STK26: variants seen among roughly 807,000 people sequenced by gnomAD.
The protein encoded by STK26 is serine/threonine kinase 26, also known as serine/threonine-protein kinase 26.
A neutral mutation model predicts 34.7 loss-of-function variants in STK26; 14 were observed. The observed-to-expected ratio is 0.40, with a 90% confidence interval of 0.27 to 0.63. The LOEUF (loss-of-function observed/expected upper bound fraction) is 0.63, where lower values mean the gene tolerates loss of function less well. STK26 is among the 30% of genes least tolerant of loss of function. The probability of loss-of-function intolerance (pLI) is 0.38; values close to 1 mark genes in which losing one functional copy is unlikely to be tolerated. For missense variants in STK26, 226 were observed against 309.1 expected (o/e 0.73, Z 2.02); for synonymous variants, 100 against 109.8 (o/e 0.91, Z 0.56).
intron 3 of STK26, among the ~76,000 whole-genome samples, chrX:132,056,741 C>G (rs947584901): frequency 8.9e-5 from 10 of 112,435 alleles, no homozygotes; most frequent in African/African-American, 3.2e-4. Context: ...TACAAATACC[C>G]CCTACTGCTG....
At chrX:132,054,922 T>C in intron 3 of STK26, 61 bp downstream of exon 3, 3 of 998,598 alleles carry the variant, frequency 3.0e-6, no homozygotes, top group Non-Finnish European at 4.1e-6. Flanking sequence ...TTTTTAATTC[T>C]ATTTTTTTGA....
intron 2 of STK26, among the ~76,000 whole-genome samples, chrX:132,033,516 A>C (rs1486579524): frequency 8.9e-6 from 1 of 112,184 alleles, no homozygotes; most frequent in Non-Finnish European, 1.9e-5. Context: ...TGGCAAACTC[A>C]TTAATTAGGA....
At chrX:132,072,452 A>C in intron 9 of STK26, 91 bp downstream of exon 9, 2 of 729,256 alleles carry the variant, frequency 2.7e-6, no homozygotes, top group Non-Finnish European at 4.2e-6. Context: ...AGGATTGAAT[A>C]CCCCTAAATG....
chrX:132,068,208 C>T lies in STK26; in HGVS notation c.331-7C>T. The T allele has an allele frequency of 8.4e-7, 1 of 1,184,010 alleles. No homozygotes were observed. Among genetic ancestry groups the T allele is most frequent in the South Asian group, 1.9e-5 (1 of 53,686 alleles). On this transcript the variant is annotated splice_polypyrimidine_tract_variant and splice_region_variant and intron_variant, in intron 4 of 11. Transcript: ENST00000394334. ...TGTGTATGTGTGTGTGTGTTTTTCC[C>T]CTTAAGCTTCGAGCTGGTCCATTTG...
chrX:132,066,512 A>G (rs947061053), intron 4 of STK26, among the ~76,000 whole-genome samples: 3 of 111,844 alleles, frequency 2.7e-5, no homozygotes, highest in Non-Finnish European at 5.6e-5. Context: ...CAGAGATATT[A>G]TCTGTTAGAG....
chrX:132,070,206 A>G (rs995115151), intron 7 of STK26, among the ~76,000 whole-genome samples: 3 of 109,275 alleles, frequency 2.7e-5, no homozygotes, highest in Non-Finnish European at 5.7e-5. Flanking sequence ...TAATTTTTGT[A>G]TTTTTAGTAG....
In STK26 at chrX:132,023,676, C is replaced by T. The variant is rs368621858; in HGVS notation, c.42+17C>T. The T allele has an allele frequency of 2.5e-5, 29 of 1,172,318 alleles. No homozygotes were observed. The highest frequency in any genetic ancestry group is 2.9e-5 in the Non-Finnish European group (25 of 876,468). ...GGGATGCAGGTGAGGAAGCGCAGGC[C>T]GCCCCCGCCGCCCACGTGACTGCTT... On this transcript the variant is annotated intron_variant, in intron 2 of 11. Coordinates refer to ENST00000394334, the MANE Select transcript of STK26 (RefSeq NM_016542.4).
At chrX:132,060,594 G>T (rs113091833) in intron 3 of STK26, among the ~76,000 whole-genome samples, 7 of 102,543 alleles carry the variant, frequency 6.8e-5, no homozygotes, top group African/African-American at 1.1e-4. Flanking sequence ...TTTTTGGGTG[G>T]TTTTTTTTTT....
chrX:132,072,453 C>A, intron 9 of STK26, 92 bp downstream of exon 9: 2 of 698,229 alleles, frequency 2.9e-6, no homozygotes, highest in South Asian at 2.7e-5. Flanking sequence ...GGATTGAATA[C>A]CCCTAAATGC....
intron 2 of STK26, among the ~76,000 whole-genome samples, chrX:132,049,395 T>C (rs960887241): frequency 2.7e-5 from 3 of 112,175 alleles, no homozygotes; most frequent in Admixed American, 1.9e-4. Flanking sequence ...CAGGCAATCA[T>C]AATAGAACAG....
intron 2 of STK26, among the ~76,000 whole-genome samples, chrX:132,039,235 T>C (rs182846677): frequency 9.0e-6 from 1 of 111,583 alleles, no homozygotes; most frequent in Admixed American, 9.5e-5. Context: ...AAAGATAAAG[T>C]ACATTTTAGA....
chrX:132,025,647 C>CT (rs57313614), intron 2 of STK26, among the ~76,000 whole-genome samples: 25,342 of 81,620 alleles, frequency 0.31, 3,474 homozygotes, highest in East Asian at 0.42. Flanking sequence ...AGAGAGGAAT[C>CT]TTTTTTTTTT....
At chrX:132,055,311 T>C in intron 3 of STK26, 2 of 516,152 alleles carry the variant, frequency 3.9e-6, no homozygotes, top group Non-Finnish European at 6.2e-6. Flanking sequence ...GCAGGGAGTT[T>C]AGCTTAACCA....
intron 2 of STK26, among the ~76,000 whole-genome samples, chrX:132,027,402 A>G (rs752419542): frequency 8.9e-6 from 1 of 112,379 alleles, no homozygotes; most frequent in Admixed American, 9.4e-5. Context: ...AGGCTAAGCT[A>G]TGATGTTCGG....
chrX:132,037,509 T>G (rs1926096543), intron 2 of STK26, among the ~76,000 whole-genome samples: 2 of 111,863 alleles, frequency 1.8e-5, no homozygotes, highest in Non-Finnish European at 3.8e-5. Context: ...GTAGAATAGT[T>G]TTACAGAAAA....
At chrX:132,026,943 C>T (rs759555472) in intron 2 of STK26, among the ~76,000 whole-genome samples, 6 of 112,020 alleles carry the variant, frequency 5.4e-5, no homozygotes, top group South Asian at 3.7e-4. Flanking sequence ...AAACACTGCC[C>T]GACATTGGTG....
Position 132,041,777 on chromosome X carries a change from G to T in STK26, c.43-12854G>T, listed in dbSNP as rs745527159. Among the ~76,000 whole-genome samples the T allele has an allele frequency of 3.2e-4, 35 of 110,783 alleles. No individual in the cohort carries two copies. The South Asian group carries it at 0.013, about 40-fold the overall frequency. On this transcript the variant is annotated intron_variant, in intron 2 of 11. Coordinates refer to ENST00000394334, the MANE Select transcript of STK26 (RefSeq NM_016542.4). ...AGGAAAAAGATCAACTTTTGTATATGTATTCAGATTTAGTACTAGATGTTG... is the reference window on the plus strand; with the variant it reads ...AGGAAAAAGATCAACTTTTGTATATTTATTCAGATTTAGTACTAGATGTTG...
chrX:132,075,432 C>T lies in STK26; in HGVS notation c.*1273C>T, dbSNP rs1927568967. ...CACAGTTTGGTTTTTGCACAAAAGTCATTTAAAAAAATCTGAGTAATTGTC... is the reference window on the plus strand; with the variant it reads ...CACAGTTTGGTTTTTGCACAAAAGTTATTTAAAAAAATCTGAGTAATTGTC... On this transcript the variant is annotated 3_prime_UTR_variant, in exon 12 of 12. Coordinates refer to ENST00000394334, the MANE Select transcript of STK26 (RefSeq NM_016542.4). 1 of 111,205 alleles carries T rather than the reference C, an allele frequency of 9.0e-6. No homozygotes were observed. Among genetic ancestry groups the T allele is most frequent in the African/African-American group, 3.3e-5 (1 of 30,666 alleles). The allele number at this position is 111,205 out of a possible 1,213,427, so 9.2% of individuals were successfully genotyped here. A position where few individuals can be genotyped will look rare whatever the true frequency, so the allele number is the denominator to read the frequency against.
chrX:132,044,123 A>G (rs1926361917), intron 2 of STK26, among the ~76,000 whole-genome samples: 1 of 111,734 alleles, frequency 8.9e-6, no homozygotes, highest in South Asian at 3.7e-4. Flanking sequence ...GAGGGACCCC[A>G]GGTAAATACC....
Sources: gnomAD v4.1 joint callset for allele counts (sites outside exome capture counted in the v4.1 genomes callset) on GRCh38, gnomAD v4.1.1 for gene constraint, MANE v1.5 for transcripts, NCBI Gene and HGNC (gene_info 2026-07-23, HGNC 2026-07-21) for gene names.